The following IL3RA variants were observed in gnomAD, a reference collection of about 807,000 sequenced individuals.
The protein encoded by IL3RA is interleukin-3 receptor subunit alpha.
In IL3RA, 73 loss-of-function variants were observed where a neutral mutation model predicts 52.3. That is an observed-to-expected ratio of 1.40 (90% CI 1.16 to 1.70). The LOEUF is 1.70. Ranked by LOEUF, IL3RA falls within the 40% of genes most tolerant of loss-of-function variation. The pLI is 0.00. For missense variants in IL3RA, 664 were observed against 504.4 expected, an observed-to-expected ratio of 1.32 and a Z score of -3.03; for synonymous variants, 260 against 194.0, an observed-to-expected ratio of 1.34 and a Z score of -2.83.
intron 8 of IL3RA, 104 bp from the exon 9 acceptor site, chrX:1,365,031 ACTC>A: frequency 2.8e-6 from 2 of 706,860 alleles, no homozygotes; most frequent in Non-Finnish European, 5.0e-6. Context: ...CTGGTCTCGA[ACTC>A]CTGACCTCAG....
chrX:1,339,748 C>T lies in IL3RA; in HGVS notation c.-38-1980C>T, dbSNP rs7472680. On this transcript the variant is annotated intron_variant, in intron 1 of 11. Coordinates refer to ENST00000331035, the MANE Select transcript of IL3RA (RefSeq NM_002183.4). ...TGGAGGTTGCAGTGAACCAAGATCG[C>T]GCCACTGCACTCCGGCCTGGACAAC... 1.8e-3 allele frequency among the ~76,000 whole-genome samples: 272 copies of T among 152,094 alleles called. 1 individual carries two copies. The highest frequency in any genetic ancestry group is 5.2e-3 in the African/African-American group (217 of 41,504).
rs183755650 is a variant in IL3RA at position 1,363,839 on chromosome X, C to T, written c.760-1299C>T. Reference sequence around the variant, plus strand: ...GGCTCAAGGGATCCTCCTGCCTCAGCCCCCCAAGTAGCTGAAACTACAGGC... The same window carrying T: ...GGCTCAAGGGATCCTCCTGCCTCAGTCCCCCAAGTAGCTGAAACTACAGGC... On this transcript the variant is annotated intron_variant, in intron 8 of 11. Transcript: ENST00000331035. Among the ~76,000 whole-genome samples, 6 of 152,012 alleles carry T rather than the reference C, an allele frequency of 3.9e-5. No individual in the cohort carries two copies. The South Asian group carries it at 1.0e-3, about 26-fold the overall frequency.
Position 1,358,872 on chromosome X carries a change from T to G in IL3RA, c.744T>G (p.Pro248=). ...YELQIQKRMQ[P]VITEQVRDRT... ...CTTTTGTGTTGCAGAGAATGCAGCC[T>G]GTAATCACAGAACAGGTGAGTGTTC... Residue 248 remains proline, a synonymous_variant, in exon 8 of 12, where the codon CCT becomes CCG. Transcript: ENST00000331035. 2 of 1,613,324 alleles carry G rather than the reference T, an allele frequency of 1.2e-6. No homozygotes were observed. Among genetic ancestry groups the G allele is most frequent in the Non-Finnish European group, 1.7e-6 (2 of 1,179,606 alleles).
chrX:1,345,630 C>T (rs188455975), intron 3 of IL3RA, among the ~76,000 whole-genome samples, 196 bp downstream of exon 3: 5 of 151,890 alleles, frequency 3.3e-5, no homozygotes, highest in African/African-American at 1.2e-4. Context: ...GCTGGGACTA[C>T]AGGCGCCCGC....
chrX:1,339,325 C>G (rs1398949925), intron 1 of IL3RA, among the ~76,000 whole-genome samples: 1 of 152,144 alleles, frequency 6.6e-6, no homozygotes, highest in East Asian at 1.9e-4. Context: ...GGGCTGCGGT[C>G]CCTCTGCCCA....
chrX:1,382,368 C>A (rs371720791), intron 11 of IL3RA, 23 bp from the exon 12 acceptor site: 16 of 1,608,268 alleles, frequency 9.9e-6, no homozygotes, highest in Non-Finnish European at 1.4e-5. Context: ...GCCGACTCAC[C>A]CTGCCTCCTC....
rs17881381 is a variant in IL3RA at position 1,378,429 on chromosome X, G to A, written c.875-230G>A. On this transcript the variant is annotated intron_variant, in intron 9 of 11. Coordinates refer to ENST00000331035, the MANE Select transcript of IL3RA (RefSeq NM_002183.4). ...TTCCGCTCCCTTAGGGTTCCAGACT[G>A]GGGCTGGGAGGTCCGGAAGTCGCTC... Among the ~76,000 whole-genome samples the A allele has an allele frequency of 7.4e-3, 1,124 of 152,242 alleles. 3 individuals carry two copies. The highest frequency in any genetic ancestry group is 0.012 in the Non-Finnish European group (786 of 67,990).
At chrX:1,368,182 C>T (rs367897847) in intron 9 of IL3RA, among the ~76,000 whole-genome samples, 1 of 150,580 alleles carries the variant, frequency 6.6e-6, no homozygotes, top group African/African-American at 2.5e-5. Context: ...TGGCGTGAAC[C>T]CGGGAGGCGG....
At chrX:1,377,120 C>G (rs1329678920) in intron 9 of IL3RA, among the ~76,000 whole-genome samples, 1 of 152,080 alleles carries the variant, frequency 6.6e-6, no homozygotes, top group Non-Finnish European at 1.5e-5. Context: ...AAGACGGGGT[C>G]TCCAAGCCCA....
rs764345006 is a variant in IL3RA at position 1,365,241 on chromosome X, C to T, written c.863C>T (p.Pro288Leu). The T allele has an allele frequency of 3.1e-6, 5 of 1,602,910 alleles. No homozygotes were observed. Among genetic ancestry groups the T allele is most frequent in the Non-Finnish European group, 4.3e-6 (5 of 1,173,844 alleles). The change falls in exon 9 of 12, where the codon CCC becomes CTC. Residue 288 changes from proline (P) to leucine (L), a missense_variant. By Grantham distance (98) the Pro-to-Leu change is moderately conservative. Transcript: ENST00000331035. ...GAATTCTTGAGCGCCTGGAGCACCCCCCAGCGCTTCGGTGAGTGGGCTGTG... is the reference window on the plus strand; with the variant it reads ...GAATTCTTGAGCGCCTGGAGCACCCTCCAGCGCTTCGGTGAGTGGGCTGTG... ...VYEFLSAWSTPQRFECDQEEG... is the reference protein window; with the variant it reads ...VYEFLSAWSTLQRFECDQEEG...
In IL3RA at chrX:1,365,206, AAG is replaced by A; in HGVS notation, c.831_832del (p.Arg277SerfsTer3). ...TYTVQIRARE[R>X]VYEFLSAWST... ...ACACAGTACAAATAAGAGCCCGGGAAAGAGTGTATGAATTCTTGAGCGCCTGG... is the reference window on the plus strand; with the variant it reads ...ACACAGTACAAATAAGAGCCCGGGAAAGTGTATGAATTCTTGAGCGCCTGG... On this transcript the variant is annotated frameshift_variant, in exon 9 of 12. Transcript: ENST00000331035. LOFTEE classifies it high-confidence loss of function. The A allele has an allele frequency of 6.2e-7, 1 of 1,610,820 alleles. No homozygotes were observed. Among genetic ancestry groups the A allele is most frequent in the Non-Finnish European group, 8.5e-7 (1 of 1,178,676 alleles).
chrX:1,367,698 A>C (rs866831045), intron 9 of IL3RA, among the ~76,000 whole-genome samples: 2 of 83,232 alleles, frequency 2.4e-5, no homozygotes, highest in African/African-American at 5.1e-5. Context: ...GCGCGGGGTG[A>C]GCCGGGTGCG....
chrX:1,366,604 G>C, intron 9 of IL3RA, among the ~76,000 whole-genome samples: 1 of 37,044 alleles, frequency 2.7e-5, no homozygotes, highest in African/African-American at 2.1e-4. Context: ...GCGGTGCGCG[G>C]GGTGAGCGGG....
intron 4 of IL3RA, among the ~76,000 whole-genome samples, chrX:1,348,786 CCCTT>C (rs1172203031): frequency 6.9e-6 from 1 of 145,376 alleles, no homozygotes; most frequent in Non-Finnish European, 1.5e-5. Context: ...TTCCCTCCCT[CCCTT>C]CTTTCTTTTC....
At chrX:1,352,004 A>G (rs2086106937) in intron 4 of IL3RA, 96 bp from the exon 5 acceptor site, 1 of 1,475,638 alleles carries the variant, frequency 6.8e-7, no homozygotes, top group African/African-American at 1.4e-5. Context: ...ACCTCATGTG[A>G]TCCACCCGCC....
intron 10 of IL3RA, among the ~76,000 whole-genome samples, chrX:1,379,453 G>A (rs1297263340): frequency 6.6e-6 from 1 of 152,170 alleles, no homozygotes; most frequent in African/African-American, 2.4e-5. Context: ...ACCGCACCTG[G>A]CCCCTTGAGA....
chrX:1,343,531 G>A (rs1424468954), intron 2 of IL3RA, among the ~76,000 whole-genome samples: 1 of 151,242 alleles, frequency 6.6e-6, no homozygotes, highest in East Asian at 2.0e-4. Flanking sequence ...GCTGGGCGCG[G>A]TGCTGTGCAC....
At chrX:1,358,790 T>G in intron 7 of IL3RA, 71 bp from the exon 8 acceptor site, 2 of 1,571,200 alleles carry the variant, frequency 1.3e-6, no homozygotes, top group Non-Finnish European at 1.7e-6. Context: ...AGGGAGAAAT[T>G]TGAGTTTGGG....
At chrX:1,353,476 G>T (rs1362147698) in intron 6 of IL3RA, among the ~76,000 whole-genome samples, 1 of 146,036 alleles carries the variant, frequency 6.8e-6, no homozygotes, top group Admixed American at 6.7e-5. Context: ...CCCATCATGG[G>T]TTCCATCATG....
Sources: gnomAD v4.1 joint callset for allele counts (sites outside exome capture counted in the v4.1 genomes callset) on GRCh38, gnomAD v4.1.1 for gene constraint, MANE v1.5 for transcripts, NCBI Gene and HGNC (gene_info 2026-07-23, HGNC 2026-07-21) for gene names.